The following FGF13 variants were observed in gnomAD, a reference collection of about 807,000 sequenced individuals.
FGF13 encodes the protein fibroblast growth factor homologous factor 2.
Under a neutral mutation model 19.5 loss-of-function variants are expected in FGF13, and 2 were observed. The observed-to-expected ratio is 0.10, with a 90% confidence interval of 0.04 to 0.32. The LOEUF (loss-of-function observed/expected upper bound fraction) is 0.32, where lower values mean the gene tolerates loss of function less well. Ranked by LOEUF, FGF13 falls within the 10% of genes least tolerant of loss-of-function variation. The pLI, the probability that FGF13 is intolerant of heterozygous loss-of-function variation, is 1.00. For synonymous variants in FGF13, 72 were observed against 76.9 expected, an observed-to-expected ratio of 0.94 and a Z score of 0.33; for missense variants, 113 against 192.7, an observed-to-expected ratio of 0.59 and a Z score of 2.45.
chrX:138,657,713 TC>T (rs910160952), intron 3 of FGF13, among the ~76,000 whole-genome samples: 11 of 111,954 alleles, frequency 9.8e-5, no homozygotes, highest in African/African-American at 3.2e-4. Flanking sequence ...CCACACTTGA[TC>T]TTAGCCAAAA....
chrX:138,779,185 C>T (rs1391940550), intron 3 of FGF13, among the ~76,000 whole-genome samples: 2 of 110,100 alleles, frequency 1.8e-5, no homozygotes, highest in African/African-American at 6.6e-5. Context: ...CATCAAAGAC[C>T]AAAAGTAGAT....
chrX:138,720,279 T>G (rs925734293), intron 1 of FGF13, among the ~76,000 whole-genome samples: 7 of 112,484 alleles, frequency 6.2e-5, no homozygotes, highest in Admixed American at 9.4e-5. Context: ...GTCATCTCAC[T>G]TAAAGTTGCA....
chrX:138,970,370 T>C (rs2091910832), intron 1 of FGF13, among the ~76,000 whole-genome samples: 1 of 111,441 alleles, frequency 9.0e-6, no homozygotes, highest in East Asian at 2.8e-4. Flanking sequence ...TAGCTGGGAC[T>C]GATATGCACT....
intron 1 of FGF13, chrX:138,985,079 C>T (rs1227712068): frequency 2.7e-6 from 1 of 368,893 alleles, no homozygotes; most frequent in African/African-American, 2.5e-5. Flanking sequence ...TCATGCTTGT[C>T]CTCATGACAC....
intron 3 of FGF13, among the ~76,000 whole-genome samples, chrX:138,814,534 G>A (rs1472717847): frequency 1.8e-5 from 2 of 111,037 alleles, no homozygotes; most frequent in African/African-American, 6.5e-5. Flanking sequence ...AAGAAAAAAT[G>A]AGCAAAGCAC....
In FGF13 at chrX:138,624,097, T is replaced by G. The variant is rs1048408317; in HGVS notation, c.*8753A>C. 1.8e-5 allele frequency: 2 copies of G among 111,778 alleles called. No individual in the cohort carries two copies. The highest frequency in any genetic ancestry group is 3.8e-5 in the Non-Finnish European group (2 of 53,106). The allele number at this position is 111,778 out of a possible 1,213,427, so 9.2% of individuals were successfully genotyped here. On this transcript the variant is annotated 3_prime_UTR_variant, in exon 5 of 5. Transcript: ENST00000315930. ...AAATAGAAAAAAAATTCTTAAAACCTTATGGAACCACCTAAGTCCCCAAAG... is the reference window on the plus strand; with the variant it reads ...AAATAGAAAAAAAATTCTTAAAACCGTATGGAACCACCTAAGTCCCCAAAG...
At chrX:139,141,047 T>TGATAGATA (rs71855826) in intron 1 of FGF13, among the ~76,000 whole-genome samples, 2,980 of 89,077 alleles carry the variant, frequency 0.033, 114 homozygotes, top group African/African-American at 0.077. Context: ...ACTAGATAGA[T>TGATAGATA]GATAGATAGA....
chrX:138,762,398 T>C (rs1484453251), intron 3 of FGF13, among the ~76,000 whole-genome samples: 1 of 112,507 alleles, frequency 8.9e-6, no homozygotes, highest in Non-Finnish European at 1.9e-5. Context: ...ATAGGTAATT[T>C]TAATTTCATC....
chrX:138,629,848 T>G lies in FGF13; in HGVS notation c.*3002A>C, dbSNP rs1257411384. On this transcript the variant is annotated 3_prime_UTR_variant, in exon 5 of 5. Coordinates refer to ENST00000315930, the MANE Select transcript of FGF13 (RefSeq NM_004114.5). Reference sequence around the variant, plus strand: ...AAGGTGAAGTCCAGTGATCTGAGTCTTACAAGCCTTCCAGGTGATTCTGAT... The same window carrying G: ...AAGGTGAAGTCCAGTGATCTGAGTCGTACAAGCCTTCCAGGTGATTCTGAT... 2 of 111,759 alleles carry G rather than the reference T, an allele frequency of 1.8e-5. No homozygotes were observed. The highest frequency in any genetic ancestry group is 3.8e-5 in the Non-Finnish European group (2 of 53,221). 9.2% of individuals were successfully genotyped at this position (111,759 alleles called of 1,213,427 possible).
intron 3 of FGF13, among the ~76,000 whole-genome samples, chrX:138,695,900 G>A (rs184569735): frequency 1.1e-3 from 124 of 112,106 alleles, no homozygotes; most frequent in Non-Finnish European, 2.0e-3. Context: ...AGTTGGGGAA[G>A]ATGAAAAACA....
At chrX:138,705,237 A>G (rs771833250) in intron 2 of FGF13, among the ~76,000 whole-genome samples, 1 of 111,818 alleles carries the variant, frequency 8.9e-6, no homozygotes, top group East Asian at 2.8e-4. Flanking sequence ...TTCAGTTTTT[A>G]AAATAATATT....
intron 1 of FGF13, among the ~76,000 whole-genome samples, chrX:139,090,361 T>C (rs867570186): frequency 1.1e-4 from 12 of 111,134 alleles, no homozygotes; most frequent in South Asian, 3.9e-4. Flanking sequence ...ATAACAAAAA[T>C]AGCAAAGACT....
intron 1 of FGF13, among the ~76,000 whole-genome samples, chrX:139,017,804 C>A (rs1456499415): frequency 9.0e-6 from 1 of 111,320 alleles, no homozygotes; most frequent in African/African-American, 3.3e-5. Flanking sequence ...TGAGGTGTAT[C>A]ATCAACTCTT....
chrX:139,095,802 A>G (rs907154424), intron 1 of FGF13, among the ~76,000 whole-genome samples: 10 of 111,970 alleles, frequency 8.9e-5, no homozygotes, highest in Admixed American at 4.7e-4. Flanking sequence ...TCCTGCCTGT[A>G]TATCTGCTCT....
At chrX:138,653,474 TAA>T (rs765689568) in intron 3 of FGF13, among the ~76,000 whole-genome samples, 36 of 111,927 alleles carry the variant, frequency 3.2e-4, no homozygotes, top group African/African-American at 1.1e-3. Context: ...AAAATTGAAT[TAA>T]AAGTGATTAA....
chrX:138,842,853 C>G (rs2091158777), intron 3 of FGF13, among the ~76,000 whole-genome samples: 1 of 111,144 alleles, frequency 9.0e-6, no homozygotes, highest in Non-Finnish European at 1.9e-5. Context: ...TCTAGCTCAA[C>G]ACAGAGCCTG....
intron 3 of FGF13, among the ~76,000 whole-genome samples, chrX:138,749,322 TACACACACACACACACAC>T (rs34038080): frequency 9.7e-4 from 79 of 81,694 alleles, no homozygotes; most frequent in African/African-American, 2.1e-3. Context: ...GAGACCAAAA[TACACACACACACACACAC>T]ACACACACAC....
At chrX:139,055,812 A>G (rs749063109) in intron 1 of FGF13, among the ~76,000 whole-genome samples, 1 of 112,174 alleles carries the variant, frequency 8.9e-6, no homozygotes, top group Non-Finnish European at 1.9e-5. Flanking sequence ...TTTTATGTTT[A>G]TTTTTGCTTC....
At position 138,622,757 on chromosome X, in the gene FGF13, G is replaced by C. The variant is rs2089024871; in HGVS notation, c.*10093C>G. On this transcript the variant is annotated 3_prime_UTR_variant, in exon 5 of 5. Coordinates refer to ENST00000315930, the MANE Select transcript of FGF13 (RefSeq NM_004114.5). ...TAAATAAATTCAGTGAAGTTGTAAA[G>C]ATTTTTGGGGACTTATGTGGTGCCA... is the stretch of plus-strand genomic sequence containing the variant. 8.9e-6 allele frequency: 1 copy of C among 112,163 alleles called. No homozygotes were observed. The highest frequency in any genetic ancestry group is 9.4e-5 in the Admixed American group (1 of 10,601). The allele number at this position is 112,163 out of a possible 1,213,427, so 9.2% of individuals were successfully genotyped here. A position where few individuals can be genotyped will look rare whatever the true frequency, so the allele number is the denominator to read the frequency against.
Sources: allele counts gnomAD v4.1 joint callset (sites outside exome capture counted in the v4.1 genomes callset), GRCh38; gene constraint gnomAD v4.1.1; transcripts MANE v1.5; gene names NCBI Gene and HGNC (gene_info 2026-07-23, HGNC 2026-07-21).